SLC12A3: variants seen among roughly 807,000 people sequenced by gnomAD.
SLC12A3 encodes the protein Na-Cl cotransporter.
In SLC12A3, 104 loss-of-function variants were observed where a neutral mutation model predicts 121.0. That is an observed-to-expected ratio of 0.86 (90% CI 0.73 to 1.01). SLC12A3 has a LOEUF of 1.01. Among genes scored for constraint, SLC12A3 ranks in the 50% least tolerant of loss-of-function variants. The pLI, the probability that SLC12A3 is intolerant of heterozygous loss-of-function variation, is 0.00. For synonymous variants in SLC12A3, 536 were observed against 533.4 expected (o/e 1.00, Z -0.07); for missense variants, 1,328 against 1,356.3 (o/e 0.98, Z 0.33).
chr16:56,892,818 C>G (rs2055407052), intron 20 of SLC12A3, 135 bp from the exon 21 acceptor site: 1 of 704,650 alleles, frequency 1.4e-6, no homozygotes, highest in South Asian at 1.6e-5. Context: ...ACTGAGCGTC[C>G]TGGGCCCCGG....
Position 56,903,291 on chromosome 16 carries a change from A to C in SLC12A3, c.2856+783A>C, listed in dbSNP as rs112999448. Among the ~76,000 whole-genome samples the C allele has an allele frequency of 4.8e-3, 735 of 152,250 alleles. 4 individuals are homozygous for C. The highest frequency in any genetic ancestry group is 0.017 in the African/African-American group (687 of 41,540). On this transcript the variant is annotated intron_variant, in intron 24 of 25. Coordinates refer to ENST00000563236, the MANE Select transcript of SLC12A3 (RefSeq NM_001126108.2). ...CCTTCAGGACTCTAAGGGCTAAGAA[A>C]GGGTGTGTGCCTGTAGCCATGCTGT...
intron 2 of SLC12A3, 27 bp from the exon 3 acceptor site, chr16:56,868,270 T>G (rs1964405817): frequency 1.2e-6 from 2 of 1,610,660 alleles, no homozygotes; most frequent in Admixed American, 1.7e-5. Context: ...TCCACCCAGG[T>G]GGCCTCTGAC....
chr16:56,907,066 A>T, intron 25 of SLC12A3: 1 of 194,446 alleles, frequency 5.1e-6, no homozygotes. Context: ...AAAAGGCACC[A>T]GCACCAGTTA....
At chr16:56,884,276 C>T (rs2144723899) in intron 14 of SLC12A3, 72 bp downstream of exon 14, 1 of 1,534,254 alleles carries the variant, frequency 6.5e-7, no homozygotes, top group Non-Finnish European at 9.0e-7. Flanking sequence ...TGCCCTCCGC[C>T]CCAGTTGGAG....
intron 22 of SLC12A3, among the ~76,000 whole-genome samples, chr16:56,896,867 G>A (rs1241863127): frequency 6.6e-6 from 1 of 152,148 alleles, no homozygotes; most frequent in Non-Finnish European, 1.5e-5. Flanking sequence ...CAAGGTGGGT[G>A]AATCAGCTGA....
At chr16:56,877,582 G>T (rs1008657657) in intron 8 of SLC12A3, among the ~76,000 whole-genome samples, 18 of 152,138 alleles carry the variant, frequency 1.2e-4, no homozygotes, top group African/African-American at 4.1e-4. Flanking sequence ...GGGAGTCCTG[G>T]TCTAGGATGT....
At chr16:56,875,724 C>T (rs1430447544) in intron 8 of SLC12A3, among the ~76,000 whole-genome samples, 1 of 151,784 alleles carries the variant, frequency 6.6e-6, no homozygotes, top group Non-Finnish European at 1.5e-5. Flanking sequence ...TGTTAAGGGG[C>T]TTCTCCCAGT....
intron 1 of SLC12A3, 81 bp from the exon 2 acceptor site, chr16:56,866,989 T>G (rs143764626): frequency 1.3e-6 from 2 of 1,576,544 alleles, no homozygotes; most frequent in Non-Finnish European, 1.7e-6. Flanking sequence ...TGGGGCGCAG[T>G]GGTGCAGGTC....
intron 4 of SLC12A3, 31 bp from the exon 5 acceptor site, chr16:56,870,065 G>A: frequency 6.2e-7 from 1 of 1,610,166 alleles, no homozygotes; most frequent in Non-Finnish European, 8.5e-7. Flanking sequence ...CGACTCATCT[G>A]GTTTCATGGT....
At chr16:56,870,790 G>A (rs535960236) in intron 6 of SLC12A3, 54 bp downstream of exon 6, 17 of 1,119,662 alleles carry the variant, frequency 1.5e-5, no homozygotes, top group Non-Finnish European at 2.2e-5. Context: ...GAGAAGCGGG[G>A]GTTGCCAGGC....
intron 25 of SLC12A3, among the ~76,000 whole-genome samples, chr16:56,908,348 G>T (rs2055637606): frequency 6.6e-6 from 1 of 151,496 alleles, no homozygotes; most frequent in Admixed American, 6.6e-5. Flanking sequence ...TTGCACCATG[G>T]TGGCCAGGCT....
At chr16:56,879,421 T>C in intron 10 of SLC12A3, 121 bp from the exon 11 acceptor site, 1 of 1,065,112 alleles carries the variant, frequency 9.4e-7, no homozygotes, top group Non-Finnish European at 1.4e-6. Flanking sequence ...CAGGGGTGGG[T>C]TGTGGACTCA....
intron 2 of SLC12A3, 62 bp from the exon 3 acceptor site, chr16:56,868,235 G>C: frequency 6.6e-7 from 1 of 1,507,928 alleles, no homozygotes; most frequent in Non-Finnish European, 9.2e-7. Flanking sequence ...CAAGGGACAG[G>C]GACTTGTCGT....
intron 1 of SLC12A3, 38 bp downstream of exon 1, chr16:56,865,555 G>A (rs372174390): frequency 3.7e-6 from 6 of 1,601,686 alleles, no homozygotes; most frequent in Non-Finnish European, 5.1e-6. Flanking sequence ...CTTCCCTGCT[G>A]TGTGACCTCG....
chr16:56,883,740 C>G (rs2055272558), intron 13 of SLC12A3, among the ~76,000 whole-genome samples: 1 of 152,192 alleles, frequency 6.6e-6, no homozygotes, highest in Non-Finnish European at 1.5e-5. Flanking sequence ...TCATGTCCTT[C>G]CCCCTCCATC....
chr16:56,883,279 C>CTTTTTTTTTTT (rs71152216), intron 13 of SLC12A3, among the ~76,000 whole-genome samples: 3 of 119,550 alleles, frequency 2.5e-5, no homozygotes, highest in Non-Finnish European at 5.1e-5. Context: ...CTTTTTCTTT[C>CTTTTTTTTTTT]TTTTTTTTTT....
At chr16:56,902,246 AGT>A in intron 23 of SLC12A3, 125 bp from the exon 24 acceptor site, 1 of 1,167,156 alleles carries the variant, frequency 8.6e-7, no homozygotes, top group South Asian at 1.3e-5. Flanking sequence ...TGTAAATGGC[AGT>A]GTCCGATGGG....
At chr16:56,880,750 T>G (rs1345504405) in intron 12 of SLC12A3, among the ~76,000 whole-genome samples, 2 of 152,158 alleles carry the variant, frequency 1.3e-5, no homozygotes, top group Non-Finnish European at 2.9e-5. Context: ...GGTAGATGTC[T>G]TAAGAGAAAA....
At chr16:56,897,629 C>T (rs1057258022) in intron 22 of SLC12A3, among the ~76,000 whole-genome samples, 1 of 152,214 alleles carries the variant, frequency 6.6e-6, no homozygotes, top group Non-Finnish European at 1.5e-5. Flanking sequence ...AAATAAGATA[C>T]GAGATTGCTC....
Sources: allele counts gnomAD v4.1 joint callset (sites outside exome capture counted in the v4.1 genomes callset), GRCh38; gene constraint gnomAD v4.1.1; transcripts MANE v1.5; gene names NCBI Gene and HGNC (gene_info 2026-07-23, HGNC 2026-07-21).